MAGI2: variants seen among roughly 807,000 people sequenced by gnomAD.
The protein encoded by MAGI2 is membrane-associated guanylate kinase, WW and PDZ domain-containing protein 2.
Under a neutral mutation model 133.3 loss-of-function variants are expected in MAGI2, and 35 were observed. That is an observed-to-expected ratio of 0.26 (90% CI 0.20 to 0.35). The LOEUF (loss-of-function observed/expected upper bound fraction) is 0.35, where lower values mean the gene tolerates loss of function less well. MAGI2 is among the 10% of genes least tolerant of loss of function. MAGI2 has a pLI of 1.00. For missense variants in MAGI2, 1,636 were observed against 1,863.4 expected, an observed-to-expected ratio of 0.88 and a Z score of 2.25; for synonymous variants, 729 against 710.6, an observed-to-expected ratio of 1.03 and a Z score of -0.41.
intron 2 of MAGI2, among the ~76,000 whole-genome samples, chr7:78,720,491 C>T (rs957021893): frequency 6.6e-6 from 1 of 151,792 alleles, no homozygotes; most frequent in African/African-American, 2.4e-5. Flanking sequence ...GTCATCTTAA[C>T]CATTAGTTGT....
In MAGI2 at chr7:78,728,825, A is replaced by G. The variant is rs1012212423; in HGVS notation, c.419-101586T>C. ...CGTGATCCGCCCGCCTCGGCCTCCC[A>G]AAGTGCTGGGATTACAGGCGTGAGC... On this transcript the variant is annotated intron_variant, in intron 2 of 21. Transcript: ENST00000354212. Among the ~76,000 whole-genome samples the G allele has an allele frequency of 1.9e-4, 28 of 150,952 alleles. 1 individual carries two copies. Among genetic ancestry groups the G allele is most frequent in the Non-Finnish European group, 3.0e-4 (20 of 67,784 alleles).
chr7:78,848,378 T>G (rs1173739697), intron 2 of MAGI2, among the ~76,000 whole-genome samples: 1 of 152,034 alleles, frequency 6.6e-6, no homozygotes, highest in Non-Finnish European at 1.5e-5. Flanking sequence ...CCATCTCAGA[T>G]GTTCCTATCC....
chr7:79,169,672 TAA>T lies in MAGI2; in HGVS notation c.302-162468_302-162467del, dbSNP rs5885118. On this transcript the variant is annotated intron_variant, in intron 1 of 21. Transcript: ENST00000354212. ...TTCATATTTTATTATTTCCATGTGT[TAA>T]AAAAAAATGTACATGGGTAGTTTAT... is the stretch of plus-strand genomic sequence containing the variant. Among the ~76,000 whole-genome samples the T allele has an allele frequency of 1.2e-4, 18 of 151,734 alleles. No individual in the cohort carries two copies. The South Asian group carries it at 1.3e-3, about 11-fold the overall frequency.
chr7:79,204,864 T>C (rs1325598177), intron 1 of MAGI2, among the ~76,000 whole-genome samples: 1 of 151,710 alleles, frequency 6.6e-6, no homozygotes, highest in Non-Finnish European at 1.5e-5. Context: ...AATAACAGAA[T>C]TGACGAAGCA....
intron 1 of MAGI2, among the ~76,000 whole-genome samples, chr7:79,346,808 C>T (rs967002128): frequency 6.6e-6 from 1 of 151,990 alleles, no homozygotes; most frequent in African/African-American, 2.4e-5. Flanking sequence ...GAAATGATCT[C>T]TCCTTTTGCA....
chr7:78,063,521 T>G (rs1813500223), intron 21 of MAGI2, among the ~76,000 whole-genome samples: 1 of 152,236 alleles, frequency 6.6e-6, no homozygotes, highest in African/African-American at 2.4e-5. Flanking sequence ...GGATTACAGC[T>G]GTGAGCCACC....
At chr7:78,214,134 G>A (rs1301703784) in intron 10 of MAGI2, among the ~76,000 whole-genome samples, 3 of 152,202 alleles carry the variant, frequency 2.0e-5, no homozygotes, top group Non-Finnish European at 4.4e-5. Context: ...CACCTGCTGA[G>A]GTAATCCGAA....
chr7:79,137,188 C>G (rs777073177), intron 1 of MAGI2, among the ~76,000 whole-genome samples: 1 of 152,066 alleles, frequency 6.6e-6, no homozygotes, highest in African/African-American at 2.4e-5. Flanking sequence ...ACCCGTAAGA[C>G]CCTTCTCTGA....
intron 15 of MAGI2, among the ~76,000 whole-genome samples, chr7:78,167,076 G>C (rs920640225): frequency 6.6e-6 from 1 of 152,126 alleles, no homozygotes; most frequent in African/African-American, 2.4e-5. Context: ...CCAGCGGGCC[G>C]CTGGGGCAGA....
chr7:78,268,432 A>G (rs1794230002), intron 9 of MAGI2, among the ~76,000 whole-genome samples: 1 of 152,198 alleles, frequency 6.6e-6, no homozygotes, highest in African/African-American at 2.4e-5. Flanking sequence ...CAATAACCGT[A>G]TGCCAAGAAG....
chr7:78,889,077 C>T (rs368466776), intron 2 of MAGI2, among the ~76,000 whole-genome samples: 15 of 152,036 alleles, frequency 9.9e-5, no homozygotes, highest in African/African-American at 2.4e-4. Context: ...AACTACATGA[C>T]GAATGCACTA....
At chr7:78,900,252 A>G (rs913494745) in intron 2 of MAGI2, among the ~76,000 whole-genome samples, 2 of 152,122 alleles carry the variant, frequency 1.3e-5, no homozygotes, top group Admixed American at 1.3e-4. Context: ...CCTTCAGTAC[A>G]TATTTTTGCA....
In MAGI2 at chr7:79,007,170, T is replaced by C. The variant is rs1807539818; in HGVS notation, c.338A>G (p.Asn113Ser). The change falls in exon 2 of 22, where the codon AAC (asparagine) becomes AGC (serine). Residue 113 changes from asparagine to serine, a missense_variant. Transcript: ENST00000354212. ...CACAGAACCCTTTTGAAATCGTAAG[T>C]TGAGGTAGTGACGAAGGTCTTTATC... is the stretch of plus-strand genomic sequence containing the variant. ...IVDKDLRHYL[N>S]LRFQKGSVDH... 7 of 1,612,654 alleles carry C rather than the reference T, an allele frequency of 4.3e-6. No homozygotes were observed. Among genetic ancestry groups the C allele is most frequent in the African/African-American group, 2.7e-5 (2 of 74,830 alleles).
intron 1 of MAGI2, among the ~76,000 whole-genome samples, chr7:79,441,398 A>C (rs1848487653): frequency 6.6e-6 from 1 of 152,234 alleles, no homozygotes; most frequent in Non-Finnish European, 1.5e-5. Flanking sequence ...CATGGATTTT[A>C]TATTAGACAA....
chr7:78,920,131 T>C (rs941973170), intron 2 of MAGI2, among the ~76,000 whole-genome samples: 2 of 152,126 alleles, frequency 1.3e-5, no homozygotes, highest in African/African-American at 2.4e-5. Context: ...TGAGTCCCAA[T>C]GACTCCATGA....
At chr7:78,720,036 A>C (rs1049776003) in intron 2 of MAGI2, among the ~76,000 whole-genome samples, 3 of 152,166 alleles carry the variant, frequency 2.0e-5, no homozygotes, top group African/African-American at 7.2e-5. Flanking sequence ...AAATGGCTGC[A>C]TTTCCACATT....
At chr7:79,099,857 T>G (rs2129543115) in intron 1 of MAGI2, among the ~76,000 whole-genome samples, 1 of 152,346 alleles carries the variant, frequency 6.6e-6, no homozygotes, top group South Asian at 2.1e-4. Flanking sequence ...TTTAAAATTC[T>G]TTATCAAATG....
chr7:78,187,774 C>T (rs1040970537), intron 12 of MAGI2, among the ~76,000 whole-genome samples: 2 of 152,130 alleles, frequency 1.3e-5, no homozygotes, highest in Admixed American at 6.6e-5. Flanking sequence ...CTGCTACCTT[C>T]GAAACGCTTC....
rs148376241 is a variant in MAGI2 at position 78,265,738 on chromosome 7, T to C, written c.1409-9157A>G. Among the ~76,000 whole-genome samples, 983 of 152,334 alleles carry C rather than the reference T, an allele frequency of 6.5e-3. 7 individuals carry two copies. Among genetic ancestry groups the C allele is most frequent in the African/African-American group, 0.022 (928 of 41,578 alleles). On this transcript the variant is annotated intron_variant, in intron 9 of 21. Coordinates refer to ENST00000354212, the MANE Select transcript of MAGI2 (RefSeq NM_012301.4). ...ACCTTGCAGGAAAGAGTCATAATTT[T>C]ATGTGGACATTGAACAACATGCATG... is the stretch of plus-strand genomic sequence containing the variant.
Sources: allele counts gnomAD v4.1 joint callset (sites outside exome capture counted in the v4.1 genomes callset), GRCh38; gene constraint gnomAD v4.1.1; transcripts MANE v1.5; gene names NCBI Gene and HGNC (gene_info 2026-07-23, HGNC 2026-07-21).